CPA6: variants seen among roughly 807,000 people sequenced by gnomAD.
The protein encoded by CPA6 is carboxypeptidase B.
Under a neutral mutation model 63.3 loss-of-function variants are expected in CPA6, and 58 were observed. That is an observed-to-expected ratio of 0.92 (90% CI 0.74 to 1.14). The LOEUF is 1.14. CPA6 is among the 50% of genes most tolerant of loss of function. The pLI is 0.00. For synonymous variants in CPA6, 185 were observed against 179.0 expected (o/e 1.03, Z -0.27); for missense variants, 565 against 526.6 (o/e 1.07, Z -0.71).
chr8:67,604,364 T>G (rs1409817440), intron 2 of CPA6, among the ~76,000 whole-genome samples: 1 of 152,160 alleles, frequency 6.6e-6, no homozygotes, highest in African/African-American at 2.4e-5. Context: ...TTCCCAAAGA[T>G]GTGGCAATAA....
chr8:67,552,626 A>G (rs546175463), intron 2 of CPA6, among the ~76,000 whole-genome samples: 4 of 152,118 alleles, frequency 2.6e-5, no homozygotes, highest in Admixed American at 2.6e-4. Context: ...ACAAAAAATT[A>G]GCTGGACGTG....
chr8:67,447,031 T>TAC (rs202014181), intron 8 of CPA6, among the ~76,000 whole-genome samples: 1 of 129,606 alleles, frequency 7.7e-6, no homozygotes, highest in Non-Finnish European at 1.5e-5. Flanking sequence ...CACATATATA[T>TAC]ACACACATAT....
intron 1 of CPA6, among the ~76,000 whole-genome samples, chr8:67,672,790 T>TTGGG (rs1262840107): frequency 6.6e-6 from 1 of 152,226 alleles, no homozygotes; most frequent in East Asian, 1.9e-4. Context: ...GTTTTGCTTT[T>TTGGG]AAAATGGATG....
intron 1 of CPA6, among the ~76,000 whole-genome samples, chr8:67,733,928 G>A (rs116970898): frequency 0.016 from 2,407 of 148,870 alleles, 63 homozygotes; most frequent in East Asian, 0.11. Context: ...AGGCTGGAGC[G>A]CAGTGGTGCA....
chr8:67,717,860 T>C (rs1817411719), intron 1 of CPA6, among the ~76,000 whole-genome samples: 1 of 152,136 alleles, frequency 6.6e-6, no homozygotes, highest in Non-Finnish European at 1.5e-5. Context: ...GGCCATAAAC[T>C]GGCTGTTACC....
At chr8:67,485,006 A>G (rs1175065781) in intron 6 of CPA6, among the ~76,000 whole-genome samples, 5 of 152,248 alleles carry the variant, frequency 3.3e-5, no homozygotes, top group African/African-American at 9.6e-5. Context: ...AGCTGTTAAA[A>G]GAGATCAGTT....
intron 1 of CPA6, among the ~76,000 whole-genome samples, chr8:67,707,539 T>C (rs1368011140): frequency 1.3e-5 from 2 of 152,222 alleles, no homozygotes; most frequent in Admixed American, 1.3e-4. Context: ...AAATGTTTTC[T>C]TTGCAGTAGG....
At position 67,583,029 on chromosome 8, in the gene CPA6, G is replaced by T. The variant is rs533698328; in HGVS notation, c.192+41147C>A. Among the ~76,000 whole-genome samples, 6 of 152,212 alleles carry T rather than the reference G, an allele frequency of 3.9e-5. No homozygotes were observed. The South Asian group carries it at 1.2e-3, about 32-fold the overall frequency. On this transcript the variant is annotated intron_variant, in intron 2 of 10. Coordinates refer to ENST00000297770, the MANE Select transcript of CPA6 (RefSeq NM_020361.5). ...CCCTGAAACATGAGGATCAAGTATT[G>T]ATATCTGGGTGGCTTTATTATTAGG... is the stretch of plus-strand genomic sequence containing the variant.
chr8:67,740,971 A>T (rs1817902422), intron 1 of CPA6, among the ~76,000 whole-genome samples: 1 of 152,154 alleles, frequency 6.6e-6, no homozygotes, highest in African/African-American at 2.4e-5. Flanking sequence ...AATAACCATA[A>T]GTGGGGCCAT....
intron 8 of CPA6, among the ~76,000 whole-genome samples, chr8:67,454,175 T>C (rs1810619259): frequency 6.6e-6 from 1 of 152,240 alleles, no homozygotes; most frequent in South Asian, 2.1e-4. Flanking sequence ...TGGCTGTGTC[T>C]CTAACATGGA....
chr8:67,566,599 A>G (rs1272873919), intron 2 of CPA6, among the ~76,000 whole-genome samples: 1 of 152,182 alleles, frequency 6.6e-6, no homozygotes, highest in Non-Finnish European at 1.5e-5. Flanking sequence ...CCTGACTTCC[A>G]TTCCCTATTA....
intron 2 of CPA6, among the ~76,000 whole-genome samples, chr8:67,611,508 G>A (rs1175078026): frequency 6.6e-6 from 1 of 151,982 alleles, no homozygotes; most frequent in African/African-American, 2.4e-5. Context: ...CACATCTCTG[G>A]ACCAGCAAAG....
At chr8:67,570,520 T>C (rs888091711) in intron 2 of CPA6, among the ~76,000 whole-genome samples, 2 of 152,202 alleles carry the variant, frequency 1.3e-5, no homozygotes, top group African/African-American at 2.4e-5. Context: ...TACCAAGGGA[T>C]ACATATCACA....
intron 2 of CPA6, among the ~76,000 whole-genome samples, chr8:67,554,534 G>C (rs1813017239): frequency 6.6e-6 from 1 of 152,094 alleles, no homozygotes; most frequent in East Asian, 1.9e-4. Flanking sequence ...ATTTGGCAGG[G>C]ACACATATTT....
intron 8 of CPA6, among the ~76,000 whole-genome samples, chr8:67,470,121 A>G (rs908507511): frequency 6.6e-6 from 1 of 151,690 alleles, no homozygotes; most frequent in African/African-American, 2.4e-5. Context: ...TCCACTCCCA[A>G]CAGGTTCAAG....
At chr8:67,430,623 T>C (rs769255916) in intron 9 of CPA6, among the ~76,000 whole-genome samples, 27 of 152,292 alleles carry the variant, frequency 1.8e-4, no homozygotes, top group Non-Finnish European at 3.4e-4. Context: ...ATTATAACCA[T>C]GATTTTAGTG....
At chr8:67,495,462 T>G (rs1392443184) in intron 6 of CPA6, among the ~76,000 whole-genome samples, 4 of 152,226 alleles carry the variant, frequency 2.6e-5, no homozygotes, top group Non-Finnish European at 5.9e-5. Flanking sequence ...AAGCATTTGA[T>G]AGTATGAATG....
intron 2 of CPA6, among the ~76,000 whole-genome samples, chr8:67,619,165 G>A (rs12680990): frequency 6.8e-4 from 103 of 152,276 alleles, no homozygotes; most frequent in Middle Eastern, 3.4e-3. Flanking sequence ...TATGCATGTA[G>A]TCCAATTACT....
intron 2 of CPA6, among the ~76,000 whole-genome samples, chr8:67,568,223 T>A (rs1332081513): frequency 6.6e-6 from 1 of 151,674 alleles, no homozygotes; most frequent in East Asian, 1.9e-4. Context: ...TAAACACCAA[T>A]GCAAAGACAT....
Sources: gnomAD v4.1 joint callset for allele counts (sites outside exome capture counted in the v4.1 genomes callset) on GRCh38, gnomAD v4.1.1 for gene constraint, MANE v1.5 for transcripts, NCBI Gene and HGNC (gene_info 2026-07-23, HGNC 2026-07-21) for gene names.